Variants in CCDC3 observed in about 807,000 individuals in gnomAD.
The protein encoded by CCDC3 is coiled-coil domain-containing protein 3.
In CCDC3, 24 loss-of-function variants were observed where a neutral mutation model predicts 21.4. The observed-to-expected ratio is 1.12, with a 90% CI of 0.81 to 1.58. The LOEUF (loss-of-function observed/expected upper bound fraction) is 1.58. Among genes scored for constraint, CCDC3 ranks in the 40% most tolerant of loss-of-function variants. CCDC3 has a pLI of 0.00. For missense variants in CCDC3, 425 were observed against 360.9 expected (o/e 1.18, Z -1.44); for synonymous variants, 186 against 166.0 (o/e 1.12, Z -0.93).
At chr10:12,995,209 C>T (rs1330015632) in intron 2 of CCDC3, among the ~76,000 whole-genome samples, 1 of 151,954 alleles carries the variant, frequency 6.6e-6, no homozygotes, top group Non-Finnish European at 1.5e-5. Flanking sequence ...ATTTTAATTT[C>T]AAATTAAGTT....
intron 5 of CCDC3, among the ~76,000 whole-genome samples, chr10:13,038,383 A>AC (rs1588400222): frequency 6.6e-6 from 1 of 151,854 alleles, no homozygotes; most frequent in East Asian, 1.9e-4. Context: ...GCAAAAAAAA[A>AC]AAAAAAAAAG....
intron 2 of CCDC3, among the ~76,000 whole-genome samples, chr10:12,902,360 G>A (rs575348314): frequency 6.6e-6 from 1 of 152,296 alleles, no homozygotes; most frequent in Non-Finnish European, 1.5e-5. Flanking sequence ...AAATTCCCGG[G>A]AGAACTGACA....
intron 2 of CCDC3, among the ~76,000 whole-genome samples, chr10:12,904,468 T>TAAAAAAAAAAAAAAAAAAA (rs55772750): frequency 7.3e-5 from 3 of 40,918 alleles, no homozygotes; most frequent in African/African-American, 1.8e-4. Context: ...AAGCCAGTCT[T>TAAAAAAAAAAAAAAAAAAA]AAAAAAAAAA....
rs1834546066 is a variant in CCDC3, at chr10:12,926,701, C to T, written c.550-28022G>A. Among the ~76,000 whole-genome samples, 3 of 152,190 alleles carry T rather than the reference C, an allele frequency of 2.0e-5. No individual in the cohort carries two copies. In the Middle Eastern group the frequency reaches 0.01, roughly 518 times the overall value. Reference sequence around the variant, plus strand: ...AACATGCTGTTTACATATACAGGCACAAATAGGTTGAAAGCAAAAGGACAG... The same window carrying T: ...AACATGCTGTTTACATATACAGGCATAAATAGGTTGAAAGCAAAAGGACAG... On this transcript the variant is annotated intron_variant, in intron 2 of 2. Transcript: ENST00000378825.
At chr10:13,024,538 G>A (rs1306794672) in intron 5 of CCDC3, among the ~76,000 whole-genome samples, 2 of 152,154 alleles carry the variant, frequency 1.3e-5, no homozygotes, top group Non-Finnish European at 2.9e-5. Context: ...ATTGCATCTT[G>A]AAACCAAGGC....
intron 3 of CCDC3, among the ~76,000 whole-genome samples, chr10:13,078,503 T>C (rs544073671): frequency 5.9e-5 from 9 of 152,216 alleles, no homozygotes; most frequent in Non-Finnish European, 1.2e-4. Context: ...AGCAATCCCA[T>C]TACTGGGTAC....
At chr10:13,009,258 G>C (rs1835958890) in intron 5 of CCDC3, among the ~76,000 whole-genome samples, 1 of 152,112 alleles carries the variant, frequency 6.6e-6, no homozygotes, top group South Asian at 2.1e-4. Context: ...ACATTACTGA[G>C]AGAAATTGAA....
intron 2 of CCDC3, among the ~76,000 whole-genome samples, chr10:12,985,159 GGTGA>G (rs909878329): frequency 5.6e-4 from 85 of 152,068 alleles, no homozygotes; most frequent in African/African-American, 2.0e-3. Context: ...TCTTATCCAG[GGTGA>G]GTTTGTGGCA....
At chr10:13,028,615 A>T (rs1226533683) in intron 5 of CCDC3, among the ~76,000 whole-genome samples, 1 of 152,152 alleles carries the variant, frequency 6.6e-6, no homozygotes, top group East Asian at 1.9e-4. Context: ...ATTTAAATGG[A>T]TTGTCCCATC....
chr10:12,977,989 G>A (rs888172069), intron 2 of CCDC3, among the ~76,000 whole-genome samples: 1 of 151,708 alleles, frequency 6.6e-6, no homozygotes, highest in East Asian at 1.9e-4. Context: ...CACATGTATC[G>A]CTTGGGAAAG....
chr10:12,994,044 A>AT (rs1835718974), intron 2 of CCDC3, among the ~76,000 whole-genome samples: 1 of 152,206 alleles, frequency 6.6e-6, no homozygotes, highest in Non-Finnish European at 1.5e-5. Context: ...TGTGCCCTTC[A>AT]TATCTACAGT....
chr10:12,941,436 T>C (rs966534499), intron 2 of CCDC3, among the ~76,000 whole-genome samples: 2 of 152,230 alleles, frequency 1.3e-5, no homozygotes, highest in African/African-American at 2.4e-5. Flanking sequence ...AATTCTTTCT[T>C]GCAGAAGATC....
intron 2 of CCDC3, among the ~76,000 whole-genome samples, chr10:12,975,512 G>A (rs927420913): frequency 1.3e-5 from 2 of 152,204 alleles, no homozygotes; most frequent in South Asian, 2.1e-4. Context: ...ATGAGAGGAA[G>A]GATGGGCAAA....
chr10:12,945,729 C>T (rs1378236429), intron 2 of CCDC3, among the ~76,000 whole-genome samples: 2 of 152,082 alleles, frequency 1.3e-5, no homozygotes, highest in South Asian at 2.1e-4. Flanking sequence ...GATAATTTCC[C>T]GTGCTTCATG....
intron 2 of CCDC3, among the ~76,000 whole-genome samples, chr10:12,901,379 C>T (rs920380112): frequency 3.3e-5 from 5 of 152,170 alleles, no homozygotes; most frequent in African/African-American, 1.2e-4. Flanking sequence ...AAGCGATTCT[C>T]CTGCCTCAGC....
chr10:12,914,785 G>A (rs931311869), intron 2 of CCDC3, among the ~76,000 whole-genome samples: 1 of 152,048 alleles, frequency 6.6e-6, no homozygotes, highest in Admixed American at 6.6e-5. Context: ...CTAAAGGTTT[G>A]TCAGTTTTGT....
chr10:13,061,778 A>C (rs1836760803), intron 4 of CCDC3, among the ~76,000 whole-genome samples: 1 of 152,174 alleles, frequency 6.6e-6, no homozygotes, highest in South Asian at 2.1e-4. Flanking sequence ...GGTTCAGATA[A>C]AAGATTGTGG....
chr10:12,998,811 GTTCC>G (rs1233001490), intron 1 of CCDC3, among the ~76,000 whole-genome samples: 2 of 152,064 alleles, frequency 1.3e-5, no homozygotes, highest in African/African-American at 4.8e-5. Flanking sequence ...CTCAAAGAGT[GTTCC>G]TTATTTCCTG....
intron 2 of CCDC3, among the ~76,000 whole-genome samples, chr10:12,994,192 G>A (rs1168656741): frequency 6.6e-6 from 1 of 152,176 alleles, no homozygotes; most frequent in East Asian, 1.9e-4. Context: ...GAGGCTGGGA[G>A]ATCGAGACCA....
Sources: allele counts gnomAD v4.1 joint callset (sites outside exome capture counted in the v4.1 genomes callset), GRCh38; gene constraint gnomAD v4.1.1; transcripts MANE v1.5; gene names NCBI Gene and HGNC (gene_info 2026-07-23, HGNC 2026-07-21).